The following RAB11FIP1 variants were observed in gnomAD, a reference collection of about 807,000 sequenced individuals.
RAB11FIP1 encodes the protein rab11 family-interacting protein 1.
RAB11FIP1 carries 49 observed loss-of-function variants against 83.1 expected under a neutral mutation model. That is an observed-to-expected ratio of 0.59 (90% CI 0.47 to 0.75). RAB11FIP1 has a LOEUF of 0.75. Among genes scored for constraint, RAB11FIP1 ranks in the 30% least tolerant of loss-of-function variants. RAB11FIP1 has a pLI of 0.00. For missense variants in RAB11FIP1, 1,536 were observed against 1,598.7 expected, an observed-to-expected ratio of 0.96 and a Z score of 0.67; for synonymous variants, 670 against 656.0, an observed-to-expected ratio of 1.02 and a Z score of -0.33.
chr8:37,864,466 G>A (rs186688036), intron 5 of RAB11FIP1, among the ~76,000 whole-genome samples: 1 of 152,272 alleles, frequency 6.6e-6, no homozygotes, highest in Non-Finnish European at 1.5e-5. Context: ...AGGGTCTAAC[G>A]GTTTCACTGC....
Position 37,899,159 on chromosome 8 carries a change from G to C in RAB11FIP1, c.283C>G (p.Arg95Gly), listed in dbSNP as rs767595868. ...AATLQLTVLH[R>G]ALLGLDKFLG... is the part of the protein sequence containing the mutation. ...AACTTGTCGAGGCCGAGCAGCGCGCGGTGCAGCACGGTGAGCTGCAGGGTG... is the reference window on the plus strand; with the variant it reads ...AACTTGTCGAGGCCGAGCAGCGCGCCGTGCAGCACGGTGAGCTGCAGGGTG... Residue 95 changes from arginine (R) to glycine (G), a missense_variant, in exon 1 of 6, where the codon CGC (arginine) becomes GGC (glycine). By Grantham distance (125) the Arg-to-Gly change is moderately radical (BLOSUM62 -2). Transcript: ENST00000330843. This position sits in a 1 kb window ranked among gnomAD's most constrained non-coding sequence, Gnocchi z 4.5. The C allele has an allele frequency of 3.9e-6, 6 of 1,546,738 alleles. No individual in the cohort carries two copies. The South Asian group carries it at 5.9e-5, about 15-fold the overall frequency.
At chr8:37,866,009 C>T (rs772496070) in intron 5 of RAB11FIP1, among the ~76,000 whole-genome samples, 20 of 152,108 alleles carry the variant, frequency 1.3e-4, no homozygotes, top group African/African-American at 1.9e-4. Flanking sequence ...ACTTGAAAAT[C>T]ATTAGAAGAG....
chr8:37,861,323 A>G lies in RAB11FIP1; in HGVS notation c.*1572T>C. On this transcript the variant is annotated 3_prime_UTR_variant, in exon 6 of 6. Coordinates refer to ENST00000330843, the MANE Select transcript of RAB11FIP1 (RefSeq NM_001002814.3). ...TCTATTCATGAGGGAAAATGGAAAA[A>G]AAGCAACCATTTGAAGGCTGAGGCA... 4.4e-6 allele frequency: 1 copy of G among 229,854 alleles called. No homozygotes were observed. The highest frequency in any genetic ancestry group is 8.8e-6 in the Non-Finnish European group (1 of 113,578). 14.2% of individuals were successfully genotyped at this position (229,854 alleles called of 1,614,324 possible). A position where few individuals can be genotyped will look rare whatever the true frequency, so the allele number is the denominator to read the frequency against.
rs370978674 is a variant in RAB11FIP1, at chr8:37,872,376, A to G, written c.2426T>C (p.Val809Ala). 7.4e-6 allele frequency: 12 copies of G among 1,613,998 alleles called. No homozygotes were observed. The African/African-American group carries it at 1.6e-4, about 22-fold the overall frequency. ...CGTGAAGAGCTGCTCAGAAAATGAC[A>G]CACGCTTCTTGGTTTTCTTCTGGTC... Reference protein sequence around the residue: ...RKDQKKTKKRVSFSEQLFTEE... With the variant: ...RKDQKKTKKRASFSEQLFTEE... The change falls in exon 4 of 6, where the codon GTG becomes GCG. Residue 809 changes from valine (V) to alanine (A), a missense_variant. Transcript: ENST00000330843.
intron 1 of RAB11FIP1, among the ~76,000 whole-genome samples, chr8:37,886,067 A>G (rs140603421): frequency 6.6e-6 from 1 of 152,338 alleles, no homozygotes; most frequent in African/African-American, 2.4e-5. Context: ...TTCCCTTTAG[A>G]ACATTCCAGA....
chr8:37,866,860 G>A (rs1806351238), intron 5 of RAB11FIP1, among the ~76,000 whole-genome samples: 1 of 152,174 alleles, frequency 6.6e-6, no homozygotes. Flanking sequence ...AGAGCCTCCA[G>A]GAAACGTCCC....
intron 5 of RAB11FIP1, among the ~76,000 whole-genome samples, chr8:37,867,386 C>T (rs921298128): frequency 3.3e-5 from 5 of 152,174 alleles, no homozygotes; most frequent in Admixed American, 6.5e-5. Flanking sequence ...ATGCTTACCA[C>T]CTGCCCTGTC....
At chr8:37,884,477 T>C (rs1389480232) in intron 1 of RAB11FIP1, among the ~76,000 whole-genome samples, 1 of 152,054 alleles carries the variant, frequency 6.6e-6, no homozygotes, top group African/African-American at 2.4e-5. Flanking sequence ...AGCTTCAAAG[T>C]TCTAGGCTCA....
rs966640207 is a variant in RAB11FIP1 at position 37,868,931 on chromosome 8, T to A, written c.3633+1489A>T. Among the ~76,000 whole-genome samples, 12 of 152,284 alleles carry A rather than the reference T, an allele frequency of 7.9e-5. No homozygotes were observed. The East Asian group carries it at 2.3e-3, about 29-fold the overall frequency. On this transcript the variant is annotated intron_variant, in intron 5 of 5. Transcript: ENST00000330843. ...TGTTGACTATAGTATTAATTCATAC[T>A]GAAAAACAGAAAACAGGCTGTGCAT...
intron 1 of RAB11FIP1, among the ~76,000 whole-genome samples, chr8:37,890,623 C>T (rs546119708): frequency 1.3e-5 from 2 of 152,152 alleles, no homozygotes; most frequent in East Asian, 3.9e-4. Context: ...AGCCAGCAAG[C>T]CGCAGAAAGT....
At chr8:37,873,442 T>C (rs1478512777) in intron 3 of RAB11FIP1, among the ~76,000 whole-genome samples, 2 of 151,970 alleles carry the variant, frequency 1.3e-5, no homozygotes, top group Non-Finnish European at 2.9e-5. Context: ...TCATCTCTAC[T>C]GAAAAATGCA....
At position 37,862,996 on chromosome 8, in the gene RAB11FIP1, G is replaced by A; in HGVS notation, c.3751C>T (p.Leu1251=). The A allele has an allele frequency of 1.9e-6, 3 of 1,613,860 alleles. No homozygotes were observed. The South Asian group carries it at 3.3e-5, about 18-fold the overall frequency. ...AGCAGGTTGTCAATGTAGTCTTCCAGCTCGCGGACCTGGAACTCCTTCTTG... is the reference window on the plus strand; with the variant it reads ...AGCAGGTTGTCAATGTAGTCTTCCAACTCGCGGACCTGGAACTCCTTCTTG... ...ISKKEFQVRE[L]EDYIDNLLVR... is the part of the protein sequence containing the mutation. The change falls in exon 6 of 6, where the codon CTG becomes TTG. Residue 1251 remains leucine (L), a synonymous_variant. Coordinates refer to ENST00000330843, the MANE Select transcript of RAB11FIP1 (RefSeq NM_001002814.3).
intron 1 of RAB11FIP1, among the ~76,000 whole-genome samples, chr8:37,883,442 T>C (rs890578612): frequency 6.6e-6 from 1 of 152,224 alleles, no homozygotes; most frequent in Non-Finnish European, 1.5e-5. Context: ...AGTGTTGGGA[T>C]TACAGGCGTG....
rs1212670216 is a variant in RAB11FIP1, at chr8:37,899,347, G to A, written c.95C>T (p.Ala32Val). 7.5e-6 allele frequency: 12 copies of A among 1,607,336 alleles called. No homozygotes were observed. The highest frequency in any genetic ancestry group is 1.0e-5 in the Non-Finnish European group (12 of 1,177,704). Reference sequence around the variant, plus strand: ...GTCGCTCGTGCCCCCGGGGCCCTTGGCCCGCAGGCCCCGCGCCTGCAGCAC... The same window carrying A: ...GTCGCTCGTGCCCCCGGGGCCCTTGACCCGCAGGCCCCGCGCCTGCAGCAC... ...VTVLQARGLR[A>V]KGPGGTSDAY... Residue 32 changes from alanine to valine, a missense_variant, in exon 1 of 6, where the codon GCC becomes GTC. Transcript: ENST00000330843. The surrounding 1 kb of genome is among the most constrained non-coding windows in gnomAD (Gnocchi z 4.5).
intron 1 of RAB11FIP1, among the ~76,000 whole-genome samples, chr8:37,882,502 C>T (rs914808612): frequency 1.3e-5 from 2 of 152,180 alleles, no homozygotes; most frequent in African/African-American, 4.8e-5. Context: ...TAGTAGGGCA[C>T]ATCTCTCAAT....
chr8:37,873,336 G>A (rs2130147172), intron 3 of RAB11FIP1, 157 bp from the exon 4 acceptor site: 3 of 769,130 alleles, frequency 3.9e-6, no homozygotes, highest in East Asian at 2.8e-5. Context: ...CGGGCGCGGT[G>A]GCTCACGCCT....
At chr8:37,868,173 G>C (rs980320481) in intron 5 of RAB11FIP1, among the ~76,000 whole-genome samples, 7 of 152,134 alleles carry the variant, frequency 4.6e-5, no homozygotes, top group African/African-American at 1.7e-4. Flanking sequence ...TGTAATCCCA[G>C]CACTTTTGGA....
chr8:37,865,315 C>CTTTTT (rs11407439), intron 5 of RAB11FIP1, among the ~76,000 whole-genome samples: 1 of 142,930 alleles, frequency 7.0e-6, no homozygotes, highest in Non-Finnish European at 1.5e-5. Context: ...TCCTGGGATT[C>CTTTTT]TTTTTTTTTT....
intron 5 of RAB11FIP1, among the ~76,000 whole-genome samples, chr8:37,867,243 A>G (rs1048484888): frequency 6.6e-6 from 1 of 152,226 alleles, no homozygotes; most frequent in African/African-American, 2.4e-5. Flanking sequence ...TAATTCCAGG[A>G]AGACAAGTGC....
Sources: gnomAD v4.1 joint callset for allele counts (sites outside exome capture counted in the v4.1 genomes callset) on GRCh38, gnomAD v4.1.1 for gene constraint, Gnocchi (gnomAD v3.1) non-coding constraint, MANE v1.5 for transcripts, NCBI Gene and HGNC (gene_info 2026-07-23, HGNC 2026-07-21) for gene names.